Variants in TBCD observed in about 807,000 individuals in gnomAD.
The protein encoded by TBCD is tubulin folding cofactor D, also known as tubulin-specific chaperone D.
A neutral mutation model predicts 169.3 loss-of-function variants in TBCD; 105 were observed. The observed-to-expected ratio is 0.62, with a 90% CI of 0.53 to 0.73. The LOEUF is 0.73. Among genes scored for constraint, TBCD ranks in the 30% least tolerant of loss-of-function variants. The pLI, the probability that TBCD is intolerant of heterozygous loss-of-function variation, is 0.00. For missense variants in TBCD, 1,444 were observed against 1,600.1 expected (o/e 0.90, Z 1.66); for synonymous variants, 700 against 643.9 (o/e 1.09, Z -1.32).
At chr17:82,862,071 C>T (rs865795382) in intron 13 of TBCD, among the ~76,000 whole-genome samples, 19 of 151,966 alleles carry the variant, frequency 1.3e-4, no homozygotes, top group African/African-American at 3.4e-4. Context: ...TACAGGCGCC[C>T]GCCACCTTGC....
At chr17:82,859,162 A>G (rs1157758580) in intron 13 of TBCD, among the ~76,000 whole-genome samples, 1 of 140,116 alleles carries the variant, frequency 7.1e-6, no homozygotes, top group Non-Finnish European at 1.5e-5. Context: ...CTTTCAGGGA[A>G]GGGGAGTCTT....
chr17:82,760,163 C>T (rs1239841717), intron 2 of TBCD, among the ~76,000 whole-genome samples: 1 of 152,166 alleles, frequency 6.6e-6, no homozygotes, highest in Non-Finnish European at 1.5e-5. Flanking sequence ...CGTGAGCCAC[C>T]ACGCCTGGCC....
chr17:82,882,891 G>C (rs1223841640), intron 14 of TBCD, among the ~76,000 whole-genome samples: 2 of 152,058 alleles, frequency 1.3e-5, no homozygotes, highest in African/African-American at 4.8e-5. Flanking sequence ...CGGAAGTCAG[G>C]ATGTGGTGCT....
intron 6 of TBCD, 115 bp from the exon 7 acceptor site, chr17:82,781,474 G>A: frequency 7.4e-7 from 1 of 1,355,320 alleles, no homozygotes; most frequent in Non-Finnish European, 1.0e-6. Flanking sequence ...GCATCTTGGT[G>A]TAAGGGTGCG....
intron 13 of TBCD, among the ~76,000 whole-genome samples, chr17:82,866,679 A>G (rs1326585561): frequency 6.6e-6 from 1 of 151,670 alleles, no homozygotes; most frequent in East Asian, 1.9e-4. Context: ...CTGTAGCAGC[A>G]CTGCCACCTG....
chr17:82,803,208 G>C (rs1336565585), intron 9 of TBCD, among the ~76,000 whole-genome samples: 1 of 152,136 alleles, frequency 6.6e-6, no homozygotes, highest in East Asian at 1.9e-4. Flanking sequence ...TGTTAGGGTG[G>C]GTCTTTCTCA....
At position 82,927,348 on chromosome 17, in the gene TBCD, G is replaced by A. The variant is rs765270478; in HGVS notation, c.2609+25G>A. On this transcript the variant is annotated intron_variant, in intron 29 of 38. Coordinates refer to ENST00000355528, the MANE Select transcript of TBCD (RefSeq NM_005993.5). ...GGTACGTACGTAGCAGTGGGTGAGCGCTTCTTCTGAGAAGCCCATCTATTC... is the reference window on the plus strand; with the variant it reads ...GGTACGTACGTAGCAGTGGGTGAGCACTTCTTCTGAGAAGCCCATCTATTC... 1.1e-5 allele frequency: 18 copies of A among 1,607,312 alleles called. No homozygotes were observed. The East Asian group carries it at 1.3e-4, about 12-fold the overall frequency.
chr17:82,935,487 C>T (rs2062547649), intron 34 of TBCD, among the ~76,000 whole-genome samples: 1 of 152,060 alleles, frequency 6.6e-6, no homozygotes, highest in Admixed American at 6.5e-5. Context: ...CTCCCCGCCC[C>T]CACCTGTGCT....
intron 13 of TBCD, among the ~76,000 whole-genome samples, chr17:82,825,267 G>A (rs1488737220): frequency 6.6e-6 from 1 of 152,092 alleles, no homozygotes; most frequent in African/African-American, 2.4e-5. Flanking sequence ...TTGGGCCCTT[G>A]ACAACGGAGG....
chr17:82,757,136 G>A (rs920904408), intron 2 of TBCD, among the ~76,000 whole-genome samples: 1 of 152,220 alleles, frequency 6.6e-6, no homozygotes, highest in African/African-American at 2.4e-5. Flanking sequence ...AGCACCCTGG[G>A]TGGGGGCACC....
chr17:82,869,053 A>T (rs890785293), intron 13 of TBCD, among the ~76,000 whole-genome samples: 2 of 151,934 alleles, frequency 1.3e-5, no homozygotes, highest in Non-Finnish European at 2.9e-5. Flanking sequence ...CTTCAGCGTG[A>T]GGGCCACCTG....
intron 7 of TBCD, among the ~76,000 whole-genome samples, chr17:82,786,979 C>G (rs1295823632): frequency 6.6e-6 from 1 of 152,162 alleles, no homozygotes; most frequent in African/African-American, 2.4e-5. Context: ...CCATTCCCCT[C>G]CTAGCTGCTG....
rs1157970091 is a variant in TBCD at position 82,909,306 on chromosome 17, A to G, written c.2005A>G (p.Arg669Gly). 1 of 1,523,872 alleles carries G rather than the reference A, an allele frequency of 6.6e-7. No homozygotes were observed. The highest frequency in any genetic ancestry group is 1.4e-5 in the African/African-American group (1 of 72,984). 94.4% of individuals were successfully genotyped at this position (1,523,872 alleles called of 1,614,324 possible). The change falls in exon 22 of 39, where the codon AGG (arginine) becomes GGG (glycine). Residue 669 changes from arginine (R) to glycine (G), a missense_variant and splice_region_variant. Coordinates refer to ENST00000355528, the MANE Select transcript of TBCD (RefSeq NM_005993.5). ...TCAGCTCTATGATCGTCAGTTATAC[A>G]GGTGAGCTTTACAAAACCAAAGTTC... is the stretch of plus-strand genomic sequence containing the variant. ...HQQLYDRQLY[R>G]GLGGQLMRQA...
chr17:82,814,390 G>A (rs1280756104), intron 12 of TBCD, among the ~76,000 whole-genome samples: 2 of 152,204 alleles, frequency 1.3e-5, no homozygotes. Context: ...CAGACGGGAC[G>A]GTCTCTTTGT....
At chr17:82,827,638 A>G (rs889308564) in intron 13 of TBCD, among the ~76,000 whole-genome samples, 1 of 152,140 alleles carries the variant, frequency 6.6e-6, no homozygotes, top group African/African-American at 2.4e-5. Flanking sequence ...ACACTGACAC[A>G]TGCACGTTGA....
chr17:82,925,565 G>A (rs955755171), intron 27 of TBCD, among the ~76,000 whole-genome samples: 1 of 152,050 alleles, frequency 6.6e-6, no homozygotes, highest in African/African-American at 2.4e-5. Context: ...GCCACCTGGC[G>A]TCTGAAGCTG....
chr17:82,867,727 G>A (rs1248985254), intron 13 of TBCD, among the ~76,000 whole-genome samples: 8 of 152,164 alleles, frequency 5.3e-5, no homozygotes, highest in East Asian at 1.9e-4. Context: ...TTGGTTTCGC[G>A]TCTCACATGC....
intron 2 of TBCD, 83 bp downstream of exon 2, chr17:82,756,298 T>G: frequency 7.2e-7 from 1 of 1,384,988 alleles, no homozygotes; most frequent in Non-Finnish European, 1.0e-6. Flanking sequence ...CACATGCATG[T>G]GCTTTGCCAG....
intron 20 of TBCD, 119 bp downstream of exon 20, chr17:82,906,172 C>A: frequency 3.9e-6 from 3 of 761,342 alleles, no homozygotes; most frequent in South Asian, 1.7e-5. Flanking sequence ...TTATCTGCAC[C>A]AGTGTCACAG....
Sources: allele counts gnomAD v4.1 joint callset (sites outside exome capture counted in the v4.1 genomes callset), GRCh38; gene constraint gnomAD v4.1.1; transcripts MANE v1.5; gene names NCBI Gene and HGNC (gene_info 2026-07-23, HGNC 2026-07-21).